The following USP25 variants were observed in gnomAD, a reference collection of about 807,000 sequenced individuals.
The protein encoded by USP25 is ubiquitin specific peptidase 25.
Under a neutral mutation model 158.5 loss-of-function variants are expected in USP25, and 85 were observed. The ratio of observed to expected loss-of-function variants is 0.54; its 90% CI spans 0.45 to 0.64. The LOEUF is 0.64. Among genes scored for constraint, USP25 ranks in the 30% least tolerant of loss-of-function variants. USP25 has a pLI of 0.00. For synonymous variants in USP25, 464 were observed against 460.4 expected (o/e 1.01, Z -0.10); for missense variants, 1,242 against 1,327.3 (o/e 0.94, Z 1.00).
intron 1 of USP25, among the ~76,000 whole-genome samples, chr21:15,732,788 A>C (rs1297464221): frequency 6.6e-6 from 1 of 152,150 alleles, no homozygotes; most frequent in African/African-American, 2.4e-5. Context: ...CAAAACTTTC[A>C]TGATTTTTTG....
intron 4 of USP25, among the ~76,000 whole-genome samples, chr21:15,789,561 T>C (rs559661582): frequency 4.0e-4 from 61 of 152,212 alleles, no homozygotes; most frequent in Non-Finnish European, 6.6e-4. Flanking sequence ...GTTTATATTT[T>C]AGAATATGCT....
intron 1 of USP25, among the ~76,000 whole-genome samples, chr21:15,743,607 A>T (rs558537895): frequency 6.6e-6 from 1 of 152,328 alleles, no homozygotes; most frequent in Admixed American, 6.5e-5. Flanking sequence ...ATTCGGAAAG[A>T]ACCAATTGGG....
intron 9 of USP25, 79 bp downstream of exon 9, chr21:15,811,289 T>C (rs2036649994): frequency 7.9e-7 from 1 of 1,258,236 alleles, no homozygotes; most frequent in African/African-American, 1.5e-5. Context: ...TTACTATTTT[T>C]TTAGTGGACT....
intron 8 of USP25, among the ~76,000 whole-genome samples, chr21:15,810,900 T>C (rs1249418187): frequency 6.6e-6 from 1 of 152,222 alleles, no homozygotes; most frequent in Non-Finnish European, 1.5e-5. Context: ...GTAGCTCATT[T>C]TAACTCCTAT....
chr21:15,872,156 A>G (rs1332012633), intron 23 of USP25, among the ~76,000 whole-genome samples: 1 of 151,898 alleles, frequency 6.6e-6, no homozygotes, highest in Non-Finnish European at 1.5e-5. Context: ...CTTGAATGAA[A>G]TACTGATGGA....
At chr21:15,776,585 T>C (rs1231722893) in intron 3 of USP25, among the ~76,000 whole-genome samples, 1 of 151,992 alleles carries the variant, frequency 6.6e-6, no homozygotes, top group Non-Finnish European at 1.5e-5. Context: ...TTGTTTTTTT[T>C]TTCCTCTTCT....
At chr21:15,800,188 T>C (rs1351202524) in intron 6 of USP25, among the ~76,000 whole-genome samples, 3 of 151,454 alleles carry the variant, frequency 2.0e-5, no homozygotes, top group East Asian at 1.9e-4. Context: ...GAAATTTCTT[T>C]TCAATTGATC....
At chr21:15,747,604 A>G (rs2032664324) in intron 1 of USP25, among the ~76,000 whole-genome samples, 2 of 152,180 alleles carry the variant, frequency 1.3e-5, no homozygotes, top group South Asian at 4.1e-4. Context: ...CTATGATAAT[A>G]TAATGTTGTG....
chr21:15,745,638 G>C (rs980815538), intron 1 of USP25, among the ~76,000 whole-genome samples: 1 of 151,786 alleles, frequency 6.6e-6, no homozygotes, highest in Non-Finnish European at 1.5e-5. Flanking sequence ...ACCACGCTCA[G>C]CTAATTTTTG....
chr21:15,859,130 A>G (rs1292836766), intron 20 of USP25, among the ~76,000 whole-genome samples: 1 of 148,592 alleles, frequency 6.7e-6, no homozygotes, highest in East Asian at 1.9e-4. Context: ...CAAATTATAT[A>G]TATATAATAT....
chr21:15,860,981 G>T (rs2039405598), intron 20 of USP25, among the ~76,000 whole-genome samples: 2 of 150,456 alleles, frequency 1.3e-5, no homozygotes, highest in Non-Finnish European at 1.5e-5. Context: ...TATATAGAGA[G>T]AGAGAGAGAG....
At chr21:15,805,504 A>G (rs1600970705) in intron 7 of USP25, 1 of 289,678 alleles carries the variant, frequency 3.5e-6, no homozygotes. Context: ...TTATTTACAA[A>G]TACATAATTA....
Position 15,864,401 on chromosome 21 carries a change from C to T in USP25, c.2681C>T (p.Thr894Ile), listed in dbSNP as rs767431225. The T allele has an allele frequency of 6.2e-6, 10 of 1,611,632 alleles. No individual in the cohort carries two copies. Among genetic ancestry groups the T allele is most frequent in the Non-Finnish European group, 6.8e-6 (8 of 1,179,336 alleles). Reference sequence around the variant, plus strand: ...GCACCAAAGAAAATTATTGAGAAAACATTACTAGAACAATTTGGAGATAGA... The same window carrying T: ...GCACCAAAGAAAATTATTGAGAAAATATTACTAGAACAATTTGGAGATAGA... ...NQAPKKIIEKTLLEQFGDRNL... is the reference protein window; with the variant it reads ...NQAPKKIIEKILLEQFGDRNL... The change falls in exon 21 of 26, where the codon ACA (threonine) becomes ATA (isoleucine). Residue 894 changes from threonine to isoleucine, a missense_variant. Coordinates refer to ENST00000400183, the MANE Select transcript of USP25 (RefSeq NM_001283041.3).
At chr21:15,818,975 T>C in intron 10 of USP25, 129 bp downstream of exon 10, 1 of 1,159,132 alleles carries the variant, frequency 8.6e-7, no homozygotes, top group African/African-American at 1.5e-5. Flanking sequence ...TATGTTTGGA[T>C]TTAATTGGTA....
chr21:15,842,677 A>G (rs2038397197), intron 18 of USP25, 137 bp downstream of exon 18: 1 of 1,041,118 alleles, frequency 9.6e-7, no homozygotes, highest in South Asian at 2.2e-5. Flanking sequence ...ATCAGTGACC[A>G]TGGGCAAGTC....
chr21:15,767,213 C>CAG (rs1252446420), intron 3 of USP25, among the ~76,000 whole-genome samples: 2 of 152,076 alleles, frequency 1.3e-5, no homozygotes, highest in African/African-American at 4.8e-5. Context: ...TGTGATAATA[C>CAG]AGAATGGCTT....
intron 17 of USP25, among the ~76,000 whole-genome samples, chr21:15,840,237 G>A (rs1052422082): frequency 2.0e-5 from 3 of 152,074 alleles, no homozygotes; most frequent in Admixed American, 2.0e-4. Context: ...TTTCTTAACA[G>A]GCAGCATTAT....
intron 1 of USP25, among the ~76,000 whole-genome samples, chr21:15,752,519 G>A (rs910001505): frequency 1.3e-5 from 2 of 152,170 alleles, no homozygotes; most frequent in African/African-American, 4.8e-5. Context: ...TGGCCCAGAT[G>A]GGGAATACTC....
chr21:15,818,997 C>A, intron 10 of USP25, 151 bp downstream of exon 10: 1 of 912,692 alleles, frequency 1.1e-6, no homozygotes, highest in Non-Finnish European at 1.6e-6. Context: ...TTTAGACATT[C>A]AGGAGACCTG....
Sources: gnomAD v4.1 joint callset for allele counts (sites outside exome capture counted in the v4.1 genomes callset) on GRCh38, gnomAD v4.1.1 for gene constraint, MANE v1.5 for transcripts, NCBI Gene and HGNC (gene_info 2026-07-23, HGNC 2026-07-21) for gene names.